Variants in PCDHGB7 observed in about 807,000 individuals in gnomAD.
PCDHGB7 encodes the protein protocadherin gamma-B7.
In PCDHGB7, 37 loss-of-function variants were observed where a neutral mutation model predicts 61.4. That is an observed-to-expected ratio of 0.60 (90% CI 0.46 to 0.79). PCDHGB7 has a LOEUF of 0.79. Ranked by LOEUF, PCDHGB7 falls within the 30% of genes least tolerant of loss-of-function variation. PCDHGB7 has a pLI of 0.00. For synonymous variants in PCDHGB7, 464 were observed against 503.5 expected (o/e 0.92, Z 1.05); for missense variants, 1,166 against 1,202.5 (o/e 0.97, Z 0.45).
At chr5:141,482,790 G>A (rs2099572686) in intron 1 of PCDHGB7, among the ~76,000 whole-genome samples, 1 of 128,870 alleles carries the variant, frequency 7.8e-6, no homozygotes, top group African/African-American at 3.5e-5. Context: ...CTGTGTGTGT[G>A]GCCGGGTACG....
Position 141,485,785 on chromosome 5 carries a change from G to C in PCDHGB7, c.2416-9022G>C. ...TGGAGAAGCCTTTGGATCGAGAGAAGCAATCGGACTACCGCCTGGTGCTGA... is the reference window on the plus strand; with the variant it reads ...TGGAGAAGCCTTTGGATCGAGAGAACCAATCGGACTACCGCCTGGTGCTGA... On this transcript the variant is annotated intron_variant, in intron 1 of 3. Coordinates refer to ENST00000398594, the MANE Select transcript of PCDHGB7 (RefSeq NM_018927.4). The surrounding 1 kb of genome is among the most constrained non-coding windows in gnomAD (Gnocchi z 5.7). The C allele has an allele frequency of 1.2e-6, 2 of 1,614,214 alleles. No individual in the cohort carries two copies. The highest frequency in any genetic ancestry group is 1.7e-6 in the Non-Finnish European group (2 of 1,180,030).
intron 1 of PCDHGB7, among the ~76,000 whole-genome samples, chr5:141,469,311 T>C (rs970450899): frequency 3.3e-5 from 5 of 152,040 alleles, no homozygotes; most frequent in Admixed American, 3.3e-4. Context: ...GCACGATGGC[T>C]CACGCCTGTA....
At chr5:141,478,766 T>C in intron 1 of PCDHGB7, 2 of 1,505,456 alleles carry the variant, frequency 1.3e-6, no homozygotes, top group Non-Finnish European at 1.8e-6. Flanking sequence ...GATACTTGAC[T>C]CATCTGTGGA....
At position 141,476,387 on chromosome 5, in the gene PCDHGB7, C is replaced by T. The variant is rs147660262; in HGVS notation, c.2416-18420C>T. The T allele has an allele frequency of 6.2e-6, 10 of 1,613,958 alleles. No homozygotes were observed. Among genetic ancestry groups the T allele is most frequent in the Non-Finnish European group, 7.6e-6 (9 of 1,180,032 alleles). ...GACCGGAGAGATGTTTGTGAACGAC[C>T]GTCTGGATCGAGAGGAGCTGTGTGG... On this transcript the variant is annotated intron_variant, in intron 1 of 3. Coordinates refer to ENST00000398594, the MANE Select transcript of PCDHGB7 (RefSeq NM_018927.4). This position sits in a 1 kb window ranked among gnomAD's most constrained non-coding sequence, Gnocchi z 7.6.
At position 141,498,794 on chromosome 5, in the gene PCDHGB7, G is replaced by A. The variant is rs184257963; in HGVS notation, c.2474+3929G>A. ...TAAAAATACAAAATATTAGCCAGGT[G>A]TGGTGGTGCACACCTGTAGTCCCAG... On this transcript the variant is annotated intron_variant, in intron 2 of 3. Transcript: ENST00000398594. Among the ~76,000 whole-genome samples the A allele has an allele frequency of 7.9e-5, 12 of 152,224 alleles. No individual in the cohort carries two copies. The East Asian group carries it at 2.3e-3, about 30-fold the overall frequency.
chr5:141,476,417 C>A lies in PCDHGB7; in HGVS notation c.2416-18390C>A. ...GGATCGAGAGGAGCTGTGTGGGACA[C>A]TGCCCTCTTGCACTGTAACTCTGGA... is the stretch of plus-strand genomic sequence containing the variant. On this transcript the variant is annotated intron_variant, in intron 1 of 3. Coordinates refer to ENST00000398594, the MANE Select transcript of PCDHGB7 (RefSeq NM_018927.4). This position sits in a 1 kb window ranked among gnomAD's most constrained non-coding sequence, Gnocchi z 7.6. The A allele has an allele frequency of 6.2e-7, 1 of 1,614,112 alleles. No homozygotes were observed. The highest frequency in any genetic ancestry group is 8.5e-7 in the Non-Finnish European group (1 of 1,179,994).
chr5:141,419,769 C>T lies in PCDHGB7; in HGVS notation c.1910C>T (p.Ser637Leu), dbSNP rs773303779. ...RMVRALGDKD[S>L]VRQRLLVAVR... ...GTGCGTGCTTTGGGTGACAAGGACTCGGTCCGCCAGCGCCTGCTAGTCGCT... is the reference window on the plus strand; with the variant it reads ...GTGCGTGCTTTGGGTGACAAGGACTTGGTCCGCCAGCGCCTGCTAGTCGCT... The change falls in exon 1 of 4, where the codon TCG (serine) becomes TTG (leucine). Residue 637 changes from serine (S) to leucine (L), a missense_variant. By Grantham distance (145) the Ser-to-Leu change is moderately radical (BLOSUM62 -2). Coordinates refer to ENST00000398594, the MANE Select transcript of PCDHGB7 (RefSeq NM_018927.4). 6 of 1,613,888 alleles carry T rather than the reference C, an allele frequency of 3.7e-6. No homozygotes were observed. The highest frequency in any genetic ancestry group is 4.2e-6 in the Non-Finnish European group (5 of 1,179,906).
Position 141,489,263 on chromosome 5 carries a change from A to G in PCDHGB7, c.2416-5544A>G. The G allele has an allele frequency of 6.4e-7, 1 of 1,552,104 alleles. No homozygotes were observed. Among genetic ancestry groups the G allele is most frequent in the South Asian group, 1.3e-5 (1 of 79,626 alleles). On this transcript the variant is annotated intron_variant, in intron 1 of 3. Transcript: ENST00000398594. This position sits in a 1 kb window ranked among gnomAD's most constrained non-coding sequence, Gnocchi z 4.5. ...GTCATGGGGCCCAAGACACTCCCAC[A>G]GCTCGCTGGGAAATGGCAAGTGCTG...
At position 141,419,621 on chromosome 5, in the gene PCDHGB7, G is replaced by T; in HGVS notation, c.1762G>T (p.Val588Leu). 2 of 1,612,306 alleles carry T rather than the reference G, an allele frequency of 1.2e-6. No homozygotes were observed. The highest frequency in any genetic ancestry group is 1.7e-6 in the Non-Finnish European group (2 of 1,179,758). Reference protein sequence around the residue: ...VPRAAQPGYLVTKVVAVDADS... With the variant: ...VPRAAQPGYLLTKVVAVDADS... Reference sequence around the variant, plus strand: ...GCGGGCCGCGCAGCCAGGCTACCTGGTGACCAAGGTGGTGGCCGTGGACGC... The same window carrying T: ...GCGGGCCGCGCAGCCAGGCTACCTGTTGACCAAGGTGGTGGCCGTGGACGC... Residue 588 changes from valine to leucine, a missense_variant, in exon 1 of 4, where the codon GTG becomes TTG. Coordinates refer to ENST00000398594, the MANE Select transcript of PCDHGB7 (RefSeq NM_018927.4).
intron 1 of PCDHGB7, among the ~76,000 whole-genome samples, chr5:141,455,408 G>A (rs1024760282): frequency 6.6e-6 from 1 of 152,150 alleles, no homozygotes; most frequent in Non-Finnish European, 1.5e-5. Context: ...TACAGAGACA[G>A]AGGGAGCGGG....
chr5:141,421,787 C>T (rs753196648), intron 1 of PCDHGB7: 8 of 1,613,694 alleles, frequency 5.0e-6, no homozygotes, highest in East Asian at 2.2e-5. Context: ...CGGGGCAGAA[C>T]GGATGGGGCC....
rs1307889557 is a variant in PCDHGB7, at chr5:141,486,267, C to G, written c.2416-8540C>G. On this transcript the variant is annotated intron_variant, in intron 1 of 3. Transcript: ENST00000398594. The surrounding 1 kb of genome is among the most constrained non-coding windows in gnomAD (Gnocchi z 5.0). ...GGAACCCTCCCCGAGAGTGCAGAAC[C>G]TGGCACTGTGGTGGCACTTATCAGT... 1 of 1,614,128 alleles carries G rather than the reference C, an allele frequency of 6.2e-7. No homozygotes were observed. Among genetic ancestry groups the G allele is most frequent in the South Asian group, 1.1e-5 (1 of 91,072 alleles).
At chr5:141,433,849 A>AC (rs1304649814) in intron 1 of PCDHGB7, among the ~76,000 whole-genome samples, 10 of 152,030 alleles carry the variant, frequency 6.6e-5, no homozygotes, top group Admixed American at 1.3e-4. Flanking sequence ...AAAAAAAAAA[A>AC]AAAAAACTTT....
intron 1 of PCDHGB7, among the ~76,000 whole-genome samples, chr5:141,479,050 C>T (rs1484021560): frequency 6.6e-6 from 1 of 152,164 alleles, no homozygotes; most frequent in African/African-American, 2.4e-5. Context: ...ACCTCATTCT[C>T]AGATAATTTT....
intron 1 of PCDHGB7, among the ~76,000 whole-genome samples, chr5:141,452,760 G>A (rs920853226): frequency 3.3e-5 from 5 of 152,120 alleles, no homozygotes; most frequent in Non-Finnish European, 7.4e-5. Context: ...AAGGAAGGGA[G>A]GGAGGGAAAA....
At chr5:141,426,398 C>A (rs1264385461) in intron 1 of PCDHGB7, 3 of 257,270 alleles carry the variant, frequency 1.2e-5, no homozygotes, top group Non-Finnish European at 2.3e-5. Context: ...TACTCTATTC[C>A]AGAAGAAACG....
intron 1 of PCDHGB7, among the ~76,000 whole-genome samples, chr5:141,444,014 T>C (rs2098414038): frequency 6.6e-6 from 1 of 152,122 alleles, no homozygotes; most frequent in Admixed American, 6.6e-5. Flanking sequence ...GGGTATTGGC[T>C]TCTAAAAGGA....
chr5:141,427,398 A>T (rs1040184910), intron 1 of PCDHGB7: 8 of 460,774 alleles, frequency 1.7e-5, no homozygotes, highest in Non-Finnish European at 3.5e-5. Context: ...AACACATGAT[A>T]AAGATTCGAG....
At chr5:141,453,780 C>T (rs1330142662) in intron 1 of PCDHGB7, among the ~76,000 whole-genome samples, 3 of 152,090 alleles carry the variant, frequency 2.0e-5, no homozygotes, top group African/African-American at 4.8e-5. Flanking sequence ...TTTTAGTTAC[C>T]ATGGTATATT....
Sources: allele counts gnomAD v4.1 joint callset (sites outside exome capture counted in the v4.1 genomes callset), GRCh38; gene constraint gnomAD v4.1.1; non-coding constraint Gnocchi (gnomAD v3.1); transcripts MANE v1.5; gene names NCBI Gene and HGNC (gene_info 2026-07-23, HGNC 2026-07-21).